SEL1L: variants seen among roughly 807,000 people sequenced by gnomAD.
The protein encoded by SEL1L is protein sel-1 homolog 1.
SEL1L carries 52 observed loss-of-function variants against 109.8 expected under a neutral mutation model. The observed-to-expected ratio is 0.47, with a 90% CI of 0.38 to 0.60. The LOEUF (loss-of-function observed/expected upper bound fraction) is 0.60. Ranked by LOEUF, SEL1L falls within the 20% of genes least tolerant of loss-of-function variation. The probability of loss-of-function intolerance (pLI) is 0.00; values close to 1 mark genes in which losing one functional copy is unlikely to be tolerated. For missense variants in SEL1L, 749 were observed against 962.2 expected, an observed-to-expected ratio of 0.78 and a Z score of 2.93; for synonymous variants, 373 against 339.6, an observed-to-expected ratio of 1.10 and a Z score of -1.08.
At chr14:81,512,074 C>T (rs1047804108) in intron 3 of SEL1L, among the ~76,000 whole-genome samples, 3 of 152,164 alleles carry the variant, frequency 2.0e-5, no homozygotes, top group Non-Finnish European at 4.4e-5. Context: ...TGTGTGTCAA[C>T]CTGGCTGGGC....
intron 13 of SEL1L, 34 bp downstream of exon 13, chr14:81,490,354 G>A (rs1198210449): frequency 1.4e-6 from 2 of 1,469,004 alleles, no homozygotes; most frequent in Non-Finnish European, 1.9e-6. Flanking sequence ...TAGTAATATG[G>A]TACACATTTC....
At chr14:81,517,664 T>A (rs558686311) in intron 3 of SEL1L, among the ~76,000 whole-genome samples, 1 of 152,384 alleles carries the variant, frequency 6.6e-6, no homozygotes, top group South Asian at 2.1e-4. Context: ...AGAATATTTT[T>A]AAAATAGCTT....
intron 11 of SEL1L, among the ~76,000 whole-genome samples, 177 bp from the exon 12 acceptor site, chr14:81,492,725 A>AT (rs1883595031): frequency 6.6e-6 from 1 of 152,202 alleles, no homozygotes; most frequent in Non-Finnish European, 1.5e-5. Flanking sequence ...TAGAAGTTTT[A>AT]TTTTACCAAA....
chr14:81,494,870 TGG>T (rs1883680571), intron 11 of SEL1L, among the ~76,000 whole-genome samples: 1 of 152,240 alleles, frequency 6.6e-6, no homozygotes, highest in South Asian at 2.1e-4. Context: ...CAATATTGCA[TGG>T]TGAATGCCTA....
At chr14:81,480,869 T>A (rs1384506601) in intron 19 of SEL1L, among the ~76,000 whole-genome samples, 2 of 152,196 alleles carry the variant, frequency 1.3e-5, no homozygotes, top group Non-Finnish European at 2.9e-5. Context: ...TGCTTCGCTT[T>A]GCTAAAGGAA....
At chr14:81,523,978 C>G (rs554724030) in intron 3 of SEL1L, among the ~76,000 whole-genome samples, 27 of 152,318 alleles carry the variant, frequency 1.8e-4, no homozygotes, top group Admixed American at 1.7e-3. Context: ...ACTCATTAGT[C>G]TCTTTCAGAG....
In SEL1L at chr14:81,484,307, C is replaced by T. The variant is rs373524531; in HGVS notation, c.1964G>A (p.Arg655His). ...VDYETAFIHY[R>H]LASEQQHSAQ... ...ACTGTGTTGCTGCTCAGAAGCCAGACGGTAATGAATAAATGCAGTTTCATA... is the reference window on the plus strand; with the variant it reads ...ACTGTGTTGCTGCTCAGAAGCCAGATGGTAATGAATAAATGCAGTTTCATA... Residue 655 changes from arginine to histidine, a missense_variant, in exon 19 of 21, where the codon CGT becomes CAT. Arg to His is a conservative substitution (Grantham distance 29). Around this residue, in one of 2 missense-constraint regions of SEL1L, gnomAD observed 383 missense variants for 562.5 expected, o/e 0.68. Coordinates refer to ENST00000336735, the MANE Select transcript of SEL1L (RefSeq NM_005065.6). 2.3e-5 allele frequency: 37 copies of T among 1,613,952 alleles called. No individual in the cohort carries two copies. Among genetic ancestry groups the T allele is most frequent in the East Asian group, 4.5e-5 (2 of 44,884 alleles).
chr14:81,496,690 A>C (rs1430619955), intron 10 of SEL1L, among the ~76,000 whole-genome samples: 1 of 152,228 alleles, frequency 6.6e-6, no homozygotes, highest in Non-Finnish European at 1.5e-5. Context: ...CAGCGAGCTG[A>C]GATAGTGGCA....
chr14:81,530,320 G>T (rs959019114), intron 1 of SEL1L, among the ~76,000 whole-genome samples: 3 of 152,078 alleles, frequency 2.0e-5, no homozygotes, highest in African/African-American at 7.3e-5. Flanking sequence ...TCTGGAACCT[G>T]GCTTCATCAC....
chr14:81,509,862 G>A (rs1000389101), intron 3 of SEL1L, among the ~76,000 whole-genome samples: 1 of 152,158 alleles, frequency 6.6e-6, no homozygotes, highest in Non-Finnish European at 1.5e-5. Context: ...AAGAGATTAT[G>A]TACAAGAGAA....
chr14:81,495,036 TC>T (rs1883687331), intron 11 of SEL1L, 44 bp downstream of exon 11: 5 of 1,569,660 alleles, frequency 3.2e-6, no homozygotes, highest in African/African-American at 1.4e-5. Context: ...GAACATCATT[TC>T]CTGCTAAAAC....
intron 4 of SEL1L, among the ~76,000 whole-genome samples, chr14:81,505,603 C>T (rs951300176): frequency 3.3e-5 from 5 of 152,056 alleles, no homozygotes; most frequent in Non-Finnish European, 7.4e-5. Flanking sequence ...AAATAGCTTT[C>T]CTTAGAGTCA....
chr14:81,529,982 G>A (rs1047565973), intron 1 of SEL1L, among the ~76,000 whole-genome samples: 2 of 152,164 alleles, frequency 1.3e-5, no homozygotes, highest in African/African-American at 2.4e-5. Context: ...TGCGCTTCTC[G>A]CTCATCAGCA....
chr14:81,477,337 T>TGTGTGTGTGTGTG (rs1903196794), intron 20 of SEL1L, among the ~76,000 whole-genome samples, 156 bp from the exon 21 acceptor site: 5 of 60,974 alleles, frequency 8.2e-5, no homozygotes, highest in Non-Finnish European at 1.7e-4. Context: ...GTGTGTGTGT[T>TGTGTGTGTGTGTG]TAAAGCGGTT....
chr14:81,503,180 C>T (rs566764762), intron 5 of SEL1L, among the ~76,000 whole-genome samples: 5 of 152,138 alleles, frequency 3.3e-5, no homozygotes, highest in African/African-American at 9.6e-5. Flanking sequence ...TTAGTAGAGA[C>T]GGGGTTTCAC....
In SEL1L at chr14:81,472,661, C is replaced by A; in HGVS notation, c.*4311G>T. Reference sequence around the variant, plus strand: ...AAAGTGAATCACGCTTACTACATATCAAGGCTGCTTCAAGACAAAGATATC... The same window carrying A: ...AAAGTGAATCACGCTTACTACATATAAAGGCTGCTTCAAGACAAAGATATC... On this transcript the variant is annotated 3_prime_UTR_variant, in exon 21 of 21. Coordinates refer to ENST00000336735, the MANE Select transcript of SEL1L (RefSeq NM_005065.6). The A allele has an allele frequency of 2.5e-6, 1 of 404,800 alleles. No individual in the cohort carries two copies. Among genetic ancestry groups the A allele is most frequent in the Admixed American group, 3.4e-5 (1 of 29,332 alleles). The allele number at this position is 404,800 out of a possible 1,614,324, so 25.1% of individuals were successfully genotyped here.
At chr14:81,482,052 T>C (rs1336035363) in intron 19 of SEL1L, among the ~76,000 whole-genome samples, 3 of 150,794 alleles carry the variant, frequency 2.0e-5, no homozygotes, top group Non-Finnish European at 3.0e-5. Context: ...AAAAAAGTAA[T>C]GGAGTTACTG....
intron 16 of SEL1L, among the ~76,000 whole-genome samples, chr14:81,486,705 C>T (rs112354007): frequency 5.9e-5 from 9 of 151,840 alleles, no homozygotes; most frequent in African/African-American, 2.2e-4. Context: ...TTACTCTGCC[C>T]GGGCACTGTT....
chr14:81,494,693 T>A (rs1883672772), intron 11 of SEL1L, among the ~76,000 whole-genome samples: 1 of 152,214 alleles, frequency 6.6e-6, no homozygotes, highest in Non-Finnish European at 1.5e-5. Flanking sequence ...TTTACAGAAG[T>A]CTTCCCTGGC....
Sources: gnomAD v4.1 joint callset for allele counts (sites outside exome capture counted in the v4.1 genomes callset) on GRCh38, gnomAD v4.1.1 for gene constraint, gnomAD v4.1.1 regional missense constraint, MANE v1.5 for transcripts, NCBI Gene and HGNC (gene_info 2026-07-23, HGNC 2026-07-21) for gene names.